ANKRD44: variants seen among roughly 807,000 people sequenced by gnomAD.
ANKRD44 encodes the protein ankyrin repeat domain 44.
Under a neutral mutation model 116.0 loss-of-function variants are expected in ANKRD44, and 35 were observed. The ratio of observed to expected loss-of-function variants is 0.30; its 90% CI spans 0.23 to 0.40. The LOEUF is 0.40. Among genes scored for constraint, ANKRD44 ranks in the 10% least tolerant of loss-of-function variants. The pLI, the probability that ANKRD44 is intolerant of heterozygous loss-of-function variation, is 1.00. For missense variants in ANKRD44, 1,014 were observed against 1,242.6 expected (o/e 0.82, Z 2.77); for synonymous variants, 435 against 461.8 (o/e 0.94, Z 0.74).
rs1574221291 is a variant in ANKRD44 at position 196,987,721 on chromosome 2, G to A, written c.*1870C>T. The A allele has an allele frequency of 3.0e-6, 3 of 985,356 alleles. No individual in the cohort carries two copies. Among genetic ancestry groups the A allele is most frequent in the Non-Finnish European group, 3.6e-6 (3 of 829,896 alleles). The allele number at this position is 985,356 out of a possible 1,614,324, so 61.0% of individuals were successfully genotyped here. A position where few individuals can be genotyped will look rare whatever the true frequency, so the allele number is the denominator to read the frequency against. On this transcript the variant is annotated 3_prime_UTR_variant, in exon 28 of 28. Transcript: ENST00000282272. The stretch of plus-strand genomic sequence containing the variant: ...GATAGTAATGTATTTAGCAAAGACA[G>A]GCAGACACTGGCAAATAAGTAAGTG...
chr2:197,184,240 C>A (rs1356632165), intron 2 of ANKRD44, among the ~76,000 whole-genome samples: 1 of 152,208 alleles, frequency 6.6e-6, no homozygotes, highest in Non-Finnish European at 1.5e-5. Flanking sequence ...CACACAGATA[C>A]ACTAATTCCT....
At chr2:197,025,034 A>G (rs2076565319) in intron 17 of ANKRD44, among the ~76,000 whole-genome samples, 162 bp downstream of exon 17, 1 of 152,236 alleles carries the variant, frequency 6.6e-6, no homozygotes, top group Admixed American at 6.5e-5. Context: ...CTGGGAATGA[A>G]GGCGAGGCAG....
chr2:197,008,695 G>A (rs1310622965), intron 19 of ANKRD44, among the ~76,000 whole-genome samples: 7 of 152,080 alleles, frequency 4.6e-5, no homozygotes. Context: ...ATAAATAAGA[G>A]CCGGGAAACA....
intron 2 of ANKRD44, among the ~76,000 whole-genome samples, chr2:197,166,852 T>A (rs1274444868): frequency 1.3e-5 from 2 of 152,242 alleles, no homozygotes; most frequent in Admixed American, 6.5e-5. Context: ...CGCTAGGCTA[T>A]ATTGACTTCT....
intron 17 of ANKRD44, among the ~76,000 whole-genome samples, chr2:197,017,586 C>T (rs1004228494): frequency 6.6e-6 from 1 of 152,160 alleles, no homozygotes; most frequent in African/African-American, 2.4e-5. Context: ...ACAACTCATG[C>T]TGATGAATCC....
At chr2:196,967,968 A>G (rs1027280909) in intron 21 of ANKRD44, among the ~76,000 whole-genome samples, 1 of 148,688 alleles carries the variant, frequency 6.7e-6, no homozygotes, top group African/African-American at 2.4e-5. Flanking sequence ...GCCATGTGAC[A>G]TGCCTGCTCT....
At chr2:197,082,189 ATT>A (rs1297266322) in intron 14 of ANKRD44, among the ~76,000 whole-genome samples, 2 of 152,264 alleles carry the variant, frequency 1.3e-5, no homozygotes, top group African/African-American at 4.8e-5. Flanking sequence ...GATGAAGTAT[ATT>A]GTTTCCCCAT....
rs545289636 is a variant in ANKRD44 at position 197,122,767 on chromosome 2, G to C, written c.576C>G (p.Leu192=). Residue 192 remains leucine (L), a synonymous_variant, in exon 7 of 28, where the codon CTC becomes CTG. Transcript: ENST00000282272. The part of the protein sequence containing the change: ...YMGHLDVVAL[L]INHGAEVTCK... ...AGGTCACTTCTGCGCCATGGTTAATGAGCAATGCTACAACATCCAAGTGGC... is the reference window on the plus strand; with the variant it reads ...AGGTCACTTCTGCGCCATGGTTAATCAGCAATGCTACAACATCCAAGTGGC... 1.9e-6 allele frequency: 3 copies of C among 1,614,062 alleles called. No individual in the cohort carries two copies. The highest frequency in any genetic ancestry group is 1.3e-5 in the African/African-American group (1 of 75,038).
chr2:197,083,595 G>A (rs2077848587), intron 13 of ANKRD44, 86 bp from the exon 14 acceptor site: 1 of 1,462,960 alleles, frequency 6.8e-7, no homozygotes, highest in Admixed American at 2.1e-5. Context: ...AGTATGCCTA[G>A]GGCATGGAAA....
intron 3 of ANKRD44, among the ~76,000 whole-genome samples, chr2:197,146,417 A>T (rs2079503885): frequency 6.6e-6 from 1 of 152,136 alleles, no homozygotes; most frequent in Non-Finnish European, 1.5e-5. Flanking sequence ...TTGCAGCCCA[A>T]CTTAAATATA....
intron 1 of ANKRD44, among the ~76,000 whole-genome samples, chr2:197,260,701 A>C (rs2082578735): frequency 6.6e-6 from 1 of 152,028 alleles, no homozygotes; most frequent in Non-Finnish European, 1.5e-5. Context: ...TCCCACCAAC[A>C]ATGTAAAAGT....
At chr2:197,095,095 A>G (rs1276871390) in intron 10 of ANKRD44, among the ~76,000 whole-genome samples, 3 of 152,196 alleles carry the variant, frequency 2.0e-5, no homozygotes, top group African/African-American at 7.2e-5. Context: ...GCATCTCCGA[A>G]GTACTGGAAA....
At chr2:197,157,657 G>A (rs1013613246) in intron 2 of ANKRD44, among the ~76,000 whole-genome samples, 3 of 116,608 alleles carry the variant, frequency 2.6e-5, no homozygotes, top group Admixed American at 2.6e-4. Context: ...CAGCCTGGCC[G>A]ACAGAGTGAG....
At chr2:197,006,811 A>T (rs1400693098) in intron 20 of ANKRD44, among the ~76,000 whole-genome samples, 1 of 152,168 alleles carries the variant, frequency 6.6e-6, no homozygotes, top group Non-Finnish European at 1.5e-5. Context: ...GGCATGCTTT[A>T]AAAAACAGTT....
intron 13 of ANKRD44, among the ~76,000 whole-genome samples, chr2:197,084,948 T>C (rs1450438198): frequency 6.6e-6 from 1 of 152,108 alleles, no homozygotes; most frequent in African/African-American, 2.4e-5. Flanking sequence ...TTAAAAGGGG[T>C]AACAGCATCC....
At position 197,278,425 on chromosome 2, in the gene ANKRD44, C is replaced by T. The variant is rs184208269; in HGVS notation, c.27+32153G>A. ...AGGCTGGAGTGCAGTGGTGTGATCT[C>T]GGCTCACTGCAACCTCCACCTCCCG... On this transcript the variant is annotated intron_variant, in intron 1 of 27. Transcript: ENST00000282272. Among the ~76,000 whole-genome samples, 53 of 151,448 alleles carry T rather than the reference C, an allele frequency of 3.5e-4. No individual in the cohort carries two copies. In the South Asian group the frequency reaches 3.6e-3, roughly 10 times the overall value.
chr2:197,008,675 A>T (rs568349908), intron 19 of ANKRD44, among the ~76,000 whole-genome samples: 2 of 152,310 alleles, frequency 1.3e-5, no homozygotes, highest in African/African-American at 4.8e-5. Context: ...GAGGGAACAA[A>T]GGAGAGAATA....
intron 21 of ANKRD44, chr2:196,967,515 G>A (rs377021739): frequency 1.4e-5 from 6 of 425,852 alleles, no homozygotes; most frequent in African/African-American, 1.0e-4. Flanking sequence ...TGCATTTTTC[G>A]GTAAAAAAGA....
intron 3 of ANKRD44, among the ~76,000 whole-genome samples, chr2:197,140,622 G>C (rs1291851433): frequency 6.6e-6 from 1 of 152,138 alleles, no homozygotes; most frequent in Non-Finnish European, 1.5e-5. Flanking sequence ...TGCCCAGCTA[G>C]ACATTTTAAA....
Sources: allele counts gnomAD v4.1 joint callset (sites outside exome capture counted in the v4.1 genomes callset), GRCh38; gene constraint gnomAD v4.1.1; transcripts MANE v1.5; gene names NCBI Gene and HGNC (gene_info 2026-07-23, HGNC 2026-07-21).